GLT8D2: variants seen among roughly 807,000 people sequenced by gnomAD.
GLT8D2 encodes the protein glycosyltransferase 8 domain containing 2.
A neutral mutation model predicts 44.5 loss-of-function variants in GLT8D2; 45 were observed. That is an observed-to-expected ratio of 1.01 (90% CI 0.80 to 1.30). The LOEUF (loss-of-function observed/expected upper bound fraction) is 1.30, where lower values mean the gene tolerates loss of function less well. Ranked by LOEUF, GLT8D2 falls within the 50% of genes most tolerant of loss-of-function variation. The probability of loss-of-function intolerance (pLI) is 0.00; values close to 1 mark genes in which losing one functional copy is unlikely to be tolerated. For missense variants in GLT8D2, 400 were observed against 430.4 expected (o/e 0.93, Z 0.62); for synonymous variants, 156 against 157.2 (o/e 0.99, Z 0.06).
upstream of GLT8D2, chr12:104,064,328 G>T (rs1338998086): frequency 4.6e-6 from 2 of 433,194 alleles, no homozygotes; most frequent in East Asian, 7.3e-5. This position sits in a 1 kb window ranked among gnomAD's most constrained non-coding sequence, Gnocchi z 7.3. Flanking sequence ...CCACCCTAAG[G>T]TGCGTTGCTC....
At chr12:104,049,695 G>A (rs914761129) in intron 1 of GLT8D2, among the ~76,000 whole-genome samples, 200 bp downstream of exon 1, 1 of 152,190 alleles carries the variant, frequency 6.6e-6, no homozygotes, top group Admixed American at 6.5e-5. Flanking sequence ...TTGCACACTG[G>A]ATTTGCTGGA....
chr12:104,028,297 C>CGTGT (rs200991626), intron 1 of GLT8D2, among the ~76,000 whole-genome samples: 1 of 151,216 alleles, frequency 6.6e-6, no homozygotes, highest in East Asian at 1.9e-4. Context: ...TGTGCATGTG[C>CGTGT]GTGTGTGTGT....
At chr12:104,057,544 T>C (rs1882280996) in intron 1 of GLT8D2, among the ~76,000 whole-genome samples, 1 of 152,096 alleles carries the variant, frequency 6.6e-6, no homozygotes, top group African/African-American at 2.4e-5. Flanking sequence ...ACACATTAAT[T>C]CTCAATATTT....
chr12:104,017,970 CT>C (rs910909442), intron 3 of GLT8D2, among the ~76,000 whole-genome samples: 6 of 151,392 alleles, frequency 4.0e-5, no homozygotes, highest in Non-Finnish European at 5.9e-5. Flanking sequence ...ATTATTTTAT[CT>C]TTTTTTTTCT....
At chr12:104,054,857 T>C (rs1283581300), upstream of GLT8D2, among the ~76,000 whole-genome samples, 3 of 152,148 alleles carry the variant, frequency 2.0e-5, no homozygotes, top group Non-Finnish European at 4.4e-5. Flanking sequence ...TGCTGCTGCA[T>C]ATGGCCACAC....
At chr12:104,000,861 T>C (rs1874118006) in intron 5 of GLT8D2, among the ~76,000 whole-genome samples, 1 of 152,234 alleles carries the variant, frequency 6.6e-6, no homozygotes, top group Non-Finnish European at 1.5e-5. Flanking sequence ...ATTTAGATTA[T>C]AGGCAAACAC....
chr12:104,046,891 C>T (rs1881210166), intron 1 of GLT8D2, among the ~76,000 whole-genome samples: 1 of 151,908 alleles, frequency 6.6e-6, no homozygotes. Context: ...GTGGCATGAT[C>T]GTAGCTTACT....
intron 10 of GLT8D2, 123 bp downstream of exon 10, chr12:103,993,269 T>C: frequency 1.3e-6 from 1 of 742,586 alleles, no homozygotes; most frequent in Non-Finnish European, 2.4e-6. Context: ...AAGCGGAGGT[T>C]CCAGTGAGCC....
intron 4 of GLT8D2, among the ~76,000 whole-genome samples, chr12:104,008,558 A>C (rs1419353905): frequency 2.0e-5 from 3 of 152,272 alleles, no homozygotes; most frequent in African/African-American, 7.2e-5. Context: ...GATAGAAAAA[A>C]AAAATAACAT....
chr12:104,059,167 A>G (rs1326836567), intron 1 of GLT8D2, among the ~76,000 whole-genome samples: 3 of 152,248 alleles, frequency 2.0e-5, no homozygotes, highest in African/African-American at 7.2e-5. Context: ...GGATTCCTGT[A>G]CATGTATAGA....
chr12:104,012,885 A>G, intron 4 of GLT8D2: 1 of 683,362 alleles, frequency 1.5e-6, no homozygotes, highest in Admixed American at 2.2e-5. Flanking sequence ...AATGCAGCAC[A>G]GAGAAAAGGC....
intron 3 of GLT8D2, among the ~76,000 whole-genome samples, chr12:104,015,677 T>C (rs916927359): frequency 2.6e-5 from 4 of 152,224 alleles, no homozygotes; most frequent in Admixed American, 2.0e-4. Context: ...TCTAATAGTT[T>C]TTTGCTGGAG....
chr12:104,060,312 C>T (rs1882532876), intron 1 of GLT8D2, among the ~76,000 whole-genome samples: 1 of 152,172 alleles, frequency 6.6e-6, no homozygotes, highest in Admixed American at 6.5e-5. Flanking sequence ...CCAAACTCTC[C>T]TCCTAGGTTG....
chr12:104,035,557 GA>G (rs1305067586), intron 1 of GLT8D2, among the ~76,000 whole-genome samples: 1 of 152,178 alleles, frequency 6.6e-6, no homozygotes, highest in Non-Finnish European at 1.5e-5. Flanking sequence ...TCAGGTGGAA[GA>G]AAGGGTATCA....
chr12:104,037,304 A>G (rs894005151), intron 1 of GLT8D2, among the ~76,000 whole-genome samples: 5 of 152,234 alleles, frequency 3.3e-5, no homozygotes, highest in African/African-American at 9.6e-5. Flanking sequence ...GGCAAGAAAT[A>G]ACTAAGATCA....
intron 1 of GLT8D2, among the ~76,000 whole-genome samples, chr12:104,057,570 G>T (rs1278552164): frequency 6.6e-6 from 1 of 151,118 alleles, no homozygotes; most frequent in Admixed American, 6.6e-5. Flanking sequence ...TTAAATTATG[G>T]CATAATAAAG....
intron 5 of GLT8D2, among the ~76,000 whole-genome samples, chr12:104,001,682 C>CTTTATTTATTTATTTATTTATTTA (rs567362806): frequency 2.0e-4 from 30 of 151,758 alleles, no homozygotes; most frequent in African/African-American, 7.0e-4. Flanking sequence ...CACAGAAAAA[C>CTTTATTTATTTATTTATTTATTTA]TTTATTTATT....
At chr12:103,999,005 T>A (rs1273031242) in intron 6 of GLT8D2, among the ~76,000 whole-genome samples, 1 of 152,216 alleles carries the variant, frequency 6.6e-6, no homozygotes, top group Non-Finnish European at 1.5e-5. Flanking sequence ...TACTGTTTTT[T>A]CTTAGCTGTC....
At position 104,007,233 on chromosome 12, in the gene GLT8D2, G is replaced by GCTCTCTCTCTCTCTCTCTCTCTCT. The variant is rs57109528; in HGVS notation, c.113-3951_113-3928dup. Among the ~76,000 whole-genome samples, 171 of 66,352 alleles carry GCTCTCTCTCTCTCTCTCTCTCTCT rather than the reference G, an allele frequency of 2.6e-3. 22 individuals carry two copies. In the East Asian group the frequency reaches 0.029, roughly 11 times the overall value. The allele number at this position is 66,352 out of a possible 152,430, so 43.5% of individuals were successfully genotyped here. A position where few individuals can be genotyped will look rare whatever the true frequency, so the allele number is the denominator to read the frequency against. ...AGTACTCATCTGATTTATACTTAAA[G>GCTCTCTCTCTCTCTCTCTCTCTCT]CTCTCTCTCTCTCTCTCTCTCTCTC... On this transcript the variant is annotated intron_variant, in intron 4 of 10. Coordinates refer to ENST00000360814, the MANE Select transcript of GLT8D2 (RefSeq NM_001384711.1).
Sources: gnomAD v4.1 joint callset for allele counts (sites outside exome capture counted in the v4.1 genomes callset) on GRCh38, gnomAD v4.1.1 for gene constraint, Gnocchi (gnomAD v3.1) non-coding constraint, MANE v1.5 for transcripts, NCBI Gene and HGNC (gene_info 2026-07-23, HGNC 2026-07-21) for gene names.